Variants in GRIK1 observed in about 807,000 individuals in gnomAD.
GRIK1 encodes the protein glutamate ionotropic receptor kainate type subunit 1.
Under a neutral mutation model 105.7 loss-of-function variants are expected in GRIK1, and 69 were observed. That is an observed-to-expected ratio of 0.65 (90% confidence interval 0.54 to 0.80). The LOEUF is 0.80. GRIK1 is among the 30% of genes least tolerant of loss of function. GRIK1 has a pLI of 0.00. For missense variants in GRIK1, 1,109 were observed against 1,167.3 expected (o/e 0.95, Z 0.73); for synonymous variants, 438 against 431.3 (o/e 1.02, Z -0.19).
chr21:29,628,613 G>A (rs897616594), intron 7 of GRIK1, among the ~76,000 whole-genome samples: 4 of 152,110 alleles, frequency 2.6e-5, no homozygotes, highest in Admixed American at 2.6e-4. Flanking sequence ...TTCATGTGGT[G>A]GCTTGTTTTC....
intron 1 of GRIK1, among the ~76,000 whole-genome samples, chr21:29,738,271 G>A (rs564783037): frequency 3.3e-5 from 5 of 152,316 alleles, no homozygotes; most frequent in South Asian, 2.1e-4. Flanking sequence ...GTGTGCTCAC[G>A]AACACTCATA....
At chr21:29,709,814 C>A (rs1170658639) in intron 1 of GRIK1, among the ~76,000 whole-genome samples, 2 of 150,546 alleles carry the variant, frequency 1.3e-5, no homozygotes, top group Non-Finnish European at 2.9e-5. Context: ...ATTGGCTCAC[C>A]TTCTCACATT....
At chr21:29,553,557 ACACAG>A in intron 16 of GRIK1, 1 of 1,561,024 alleles carries the variant, frequency 6.4e-7, no homozygotes, top group Non-Finnish European at 8.6e-7. Context: ...TAAACTGATT[ACACAG>A]TATGAACTGA....
At chr21:29,811,349 T>C (rs781352747) in intron 1 of GRIK1, among the ~76,000 whole-genome samples, 4 of 152,270 alleles carry the variant, frequency 2.6e-5, no homozygotes, top group East Asian at 3.9e-4. Flanking sequence ...AATGAGCATA[T>C]TGATATTTAT....
chr21:29,773,389 T>C (rs1019088428), intron 1 of GRIK1, among the ~76,000 whole-genome samples: 1 of 152,190 alleles, frequency 6.6e-6, no homozygotes, highest in African/African-American at 2.4e-5. Flanking sequence ...GCTTCCCTTC[T>C]TCACCTATGT....
chr21:29,553,827 T>C (rs1335039367), intron 16 of GRIK1: 4 of 653,070 alleles, frequency 6.1e-6, no homozygotes, highest in Non-Finnish European at 1.0e-5. Context: ...CATTAAAGCA[T>C]CATATATACA....
intron 1 of GRIK1, among the ~76,000 whole-genome samples, chr21:29,759,266 C>T (rs938926414): frequency 6.6e-6 from 1 of 151,858 alleles, no homozygotes; most frequent in Non-Finnish European, 1.5e-5. Flanking sequence ...TACAGGCACC[C>T]GCCACCATGC....
At chr21:29,774,234 A>AG in intron 1 of GRIK1, among the ~76,000 whole-genome samples, 1 of 152,330 alleles carries the variant, frequency 6.6e-6, no homozygotes, top group Admixed American at 6.5e-5. Flanking sequence ...CTTACAAACC[A>AG]GCAACCTACT....
intron 4 of GRIK1, among the ~76,000 whole-genome samples, chr21:29,666,794 C>T (rs1037589731): frequency 2.6e-5 from 4 of 152,204 alleles, no homozygotes; most frequent in Admixed American, 2.0e-4. Context: ...AACTAAAATA[C>T]GTTTCAGGTT....
chr21:29,938,939 G>C (rs2071870905), intron 1 of GRIK1, among the ~76,000 whole-genome samples: 1 of 152,112 alleles, frequency 6.6e-6, no homozygotes, highest in South Asian at 2.1e-4. Context: ...TTGTATTCTT[G>C]AGATTCGTGC....
At chr21:29,790,764 C>A (rs1377349963) in intron 1 of GRIK1, among the ~76,000 whole-genome samples, 1 of 152,154 alleles carries the variant, frequency 6.6e-6, no homozygotes, top group African/African-American at 2.4e-5. Flanking sequence ...AGTAGATTCA[C>A]CTTATTCACC....
intron 1 of GRIK1, among the ~76,000 whole-genome samples, chr21:29,802,293 T>C (rs2066733259): frequency 6.6e-6 from 1 of 152,178 alleles, no homozygotes; most frequent in Non-Finnish European, 1.5e-5. Flanking sequence ...TGTCTCTGAC[T>C]ACCTTAACTT....
At chr21:29,888,359 G>T (rs2069756771) in intron 1 of GRIK1, among the ~76,000 whole-genome samples, 1 of 149,558 alleles carries the variant, frequency 6.7e-6, no homozygotes, top group African/African-American at 2.5e-5. Context: ...TGACCTCCTG[G>T]GTTCAAGAGA....
At chr21:29,888,163 T>TTC (rs2069713869) in intron 1 of GRIK1, among the ~76,000 whole-genome samples, 1 of 5,674 alleles carries the variant, frequency 1.8e-4, no homozygotes, top group African/African-American at 2.8e-4. Flanking sequence ...CCTTTCTTTT[T>TTC]TCTTTCTTTC....
intron 1 of GRIK1, among the ~76,000 whole-genome samples, chr21:29,837,448 A>G (rs915426506): frequency 5.3e-5 from 8 of 152,210 alleles, no homozygotes; most frequent in African/African-American, 1.9e-4. Flanking sequence ...TGAATATAAT[A>G]AATATGTGAT....
rs547653918 is a variant in GRIK1, at chr21:29,920,294, A to G, written c.118+19089T>C. ...TTTCCCATTATTAGAAAGGGCTACT[A>G]TATGTACACACACAGTCTAACAAAA... On this transcript the variant is annotated intron_variant, in intron 1 of 17. Transcript: ENST00000327783. Among the ~76,000 whole-genome samples the G allele has an allele frequency of 1.6e-3, 249 of 152,154 alleles. 2 individuals carry two copies. Among genetic ancestry groups the G allele is most frequent in the African/African-American group, 5.6e-3 (233 of 41,478 alleles).
intron 3 of GRIK1, among the ~76,000 whole-genome samples, chr21:29,687,929 G>A (rs1202974169): frequency 6.6e-6 from 1 of 152,194 alleles, no homozygotes; most frequent in Non-Finnish European, 1.5e-5. Context: ...GGTGAGAGAT[G>A]ATTATACTAC....
intron 1 of GRIK1, among the ~76,000 whole-genome samples, chr21:29,726,711 A>T (rs2064473288): frequency 6.6e-6 from 1 of 151,472 alleles, no homozygotes; most frequent in Admixed American, 6.6e-5. Context: ...ATATAAATTG[A>T]CTATAATTTA....
chr21:29,898,057 C>T (rs778791627), intron 1 of GRIK1, among the ~76,000 whole-genome samples: 2 of 152,154 alleles, frequency 1.3e-5, no homozygotes, highest in Admixed American at 6.5e-5. Context: ...TTAGCTTCTT[C>T]GCCTACTGAG....
Sources: gnomAD v4.1 joint callset for allele counts (sites outside exome capture counted in the v4.1 genomes callset) on GRCh38, gnomAD v4.1.1 for gene constraint, MANE v1.5 for transcripts, NCBI Gene and HGNC (gene_info 2026-07-23, HGNC 2026-07-21) for gene names.